ASB18: variants seen among roughly 807,000 people sequenced by gnomAD.
The protein encoded by ASB18 is ankyrin repeat and SOCS box containing 18.
In ASB18, 33 loss-of-function variants were observed where a neutral mutation model predicts 33.4. That is an observed-to-expected ratio of 0.99 (90% CI 0.75 to 1.32). ASB18 has a LOEUF of 1.32. Among genes scored for constraint, ASB18 ranks in the 40% most tolerant of loss-of-function variants. The pLI, the probability that ASB18 is intolerant of heterozygous loss-of-function variation, is 0.00. For synonymous variants in ASB18, 295 were observed against 307.6 expected, an observed-to-expected ratio of 0.96 and a Z score of 0.43; for missense variants, 694 against 655.5, an observed-to-expected ratio of 1.06 and a Z score of -0.64.
At chr2:236,254,836 T>C (rs1402462254) in intron 1 of ASB18, among the ~76,000 whole-genome samples, 1 of 152,016 alleles carries the variant, frequency 6.6e-6, no homozygotes, top group Non-Finnish European at 1.5e-5. Flanking sequence ...TCATTCCCAA[T>C]GAGGGTGGTG....
In ASB18 at chr2:236,211,666, A is replaced by T. The variant is rs1301385475; in HGVS notation, c.1101+2696T>A. ...GCTGGCTGCAGCGTCTGTTGCTTTG[A>T]TGTCGCACATGATTAGATGCCGTCC... On this transcript the variant is annotated intron_variant, in intron 4 of 5. Transcript: ENST00000409749. The surrounding 1 kb of genome is among the most constrained non-coding windows in gnomAD (Gnocchi z 5.0). 6.6e-6 allele frequency among the ~76,000 whole-genome samples: 1 copy of T among 152,160 alleles called. No homozygotes were observed. Among genetic ancestry groups the T allele is most frequent in the African/African-American group, 2.4e-5 (1 of 41,430 alleles).
At chr2:236,207,218 G>A (rs1026792463) in intron 4 of ASB18, among the ~76,000 whole-genome samples, 6 of 152,166 alleles carry the variant, frequency 3.9e-5, no homozygotes, top group African/African-American at 1.4e-4. Flanking sequence ...CGGGCCAATG[G>A]CCCAGCACGG....
rs1677582769 is a variant in ASB18, at chr2:236,251,831, A to G, written c.206-10429T>C. ...TTGCCTATTGTGAAAGATTTTTTAAAAGTCAAGTTTTTGAAGAGTTCAGTG... is the reference window on the plus strand; with the variant it reads ...TTGCCTATTGTGAAAGATTTTTTAAGAGTCAAGTTTTTGAAGAGTTCAGTG... On this transcript the variant is annotated intron_variant, in intron 1 of 5. Coordinates refer to ENST00000409749, the MANE Select transcript of ASB18 (RefSeq NM_212556.4). This position sits in a 1 kb window ranked among gnomAD's most constrained non-coding sequence, Gnocchi z 5.3. 6.6e-6 allele frequency among the ~76,000 whole-genome samples: 1 copy of G among 152,240 alleles called. No homozygotes were observed. The highest frequency in any genetic ancestry group is 1.5e-5 in the Non-Finnish European group (1 of 68,034).
rs1240445722 is a variant in ASB18 at position 236,237,343 on chromosome 2, CGGGGCCG to C, written c.596+339_596+345del. Among the ~76,000 whole-genome samples the C allele has an allele frequency of 1.8e-5, 1 of 54,730 alleles. No homozygotes were observed. The highest frequency in any genetic ancestry group is 2.4e-4 in the Admixed American group (1 of 4,150). 35.9% of individuals were successfully genotyped at this position (54,730 alleles called of 152,430 possible). ...AAGCGCTAATTAAACCCGCGGGGGC[CGGGGCCG>C]GGGCGCGGGGCGGGGGCCGGGGCCG... is the stretch of plus-strand genomic sequence containing the variant. On this transcript the variant is annotated intron_variant, in intron 3 of 5. Transcript: ENST00000409749. The surrounding 1 kb of genome is among the most constrained non-coding windows in gnomAD (Gnocchi z 6.2).
chr2:236,200,089 G>C lies in ASB18; in HGVS notation c.1102-3704C>G, dbSNP rs190244745. Among the ~76,000 whole-genome samples, 1,128 of 152,276 alleles carry C rather than the reference G, an allele frequency of 7.4e-3. 8 individuals are homozygous for C. The highest frequency in any genetic ancestry group is 0.014 in the South Asian group (69 of 4,814). The stretch of plus-strand genomic sequence containing the variant: ...AAGCCAGGCACGGTGGCTCACTCCT[G>C]TAATTCCAGCATTTTGGGAGGCCGA... On this transcript the variant is annotated intron_variant, in intron 4 of 5. Transcript: ENST00000409749. The surrounding 1 kb of genome is among the most constrained non-coding windows in gnomAD (Gnocchi z 4.2).
rs2060566607 is a variant in ASB18, at chr2:236,231,706, G to GA, written c.596+5982_596+5983insT. Among the ~76,000 whole-genome samples, 1 of 152,152 alleles carries GA rather than the reference G, an allele frequency of 6.6e-6. No individual in the cohort carries two copies. The highest frequency in any genetic ancestry group is 2.4e-5 in the African/African-American group (1 of 41,434). On this transcript the variant is annotated intron_variant, in intron 3 of 5. Transcript: ENST00000409749. The surrounding 1 kb of genome is among the most constrained non-coding windows in gnomAD (Gnocchi z 5.5). ...TCCAACCTTGGCCTCCCAAAGTGCT[G>GA]GGATTACTGGTGTGATCCACTGCAC...
Position 236,226,386 on chromosome 2 carries a change from A to G in ASB18, c.596+11303T>C, listed in dbSNP as rs2060537981. Among the ~76,000 whole-genome samples the G allele has an allele frequency of 6.6e-6, 1 of 152,184 alleles. No individual in the cohort carries two copies. The highest frequency in any genetic ancestry group is 2.4e-5 in the African/African-American group (1 of 41,438). ...AGTGTCAAATTAAACAGCCAAAGGGAAAGACTCCCATAGAGCGACACAGAG... is the reference window on the plus strand; with the variant it reads ...AGTGTCAAATTAAACAGCCAAAGGGGAAGACTCCCATAGAGCGACACAGAG... On this transcript the variant is annotated intron_variant, in intron 3 of 5. Transcript: ENST00000409749. The surrounding 1 kb of genome is among the most constrained non-coding windows in gnomAD (Gnocchi z 4.8).
At position 236,214,221 on chromosome 2, in the gene ASB18, G is replaced by T; in HGVS notation, c.1101+141C>A. 1 of 878,068 alleles carries T rather than the reference G, an allele frequency of 1.1e-6. No individual in the cohort carries two copies. The highest frequency in any genetic ancestry group is 1.7e-6 in the Non-Finnish European group (1 of 600,644). 54.4% of individuals were successfully genotyped at this position (878,068 alleles called of 1,614,324 possible). On this transcript the variant is annotated intron_variant, in intron 4 of 5. Coordinates refer to ENST00000409749, the MANE Select transcript of ASB18 (RefSeq NM_212556.4). This position sits in a 1 kb window ranked among gnomAD's most constrained non-coding sequence, Gnocchi z 6.5. ...GGCTCTCCCACCCCAGACCGGCAGA[G>T]CAGATTCTGCATTTTCACAAGTCCC...
Position 236,248,961 on chromosome 2 carries a change from C to T in ASB18, c.206-7559G>A, listed in dbSNP as rs557252041. 1.3e-5 allele frequency: 2 copies of T among 152,196 alleles called. No homozygotes were observed. The highest frequency in any genetic ancestry group is 1.5e-5 in the Non-Finnish European group (1 of 68,046). The allele number at this position is 152,196 out of a possible 1,614,324, so 9.4% of individuals were successfully genotyped here. On this transcript the variant is annotated intron_variant, in intron 1 of 5. Transcript: ENST00000409749. This position sits in a 1 kb window ranked among gnomAD's most constrained non-coding sequence, Gnocchi z 4.9. ...AAACAGCTATTCACTACTATGGGTT[C>T]CCCGTTTGGGGCACTAGAAGTTTCT...
At position 236,241,573 on chromosome 2, in the gene ASB18, A is replaced by G; in HGVS notation, c.206-171T>C. Reference sequence around the variant, plus strand: ...CTTCAGGAACGGGAAAGATGGTCTTATGGAGTGTGAGCTATTTCTATTGTC... The same window carrying G: ...CTTCAGGAACGGGAAAGATGGTCTTGTGGAGTGTGAGCTATTTCTATTGTC... On this transcript the variant is annotated intron_variant, in intron 1 of 5. Transcript: ENST00000409749. This position sits in a 1 kb window ranked among gnomAD's most constrained non-coding sequence, Gnocchi z 4.2. 1 of 763,448 alleles carries G rather than the reference A, an allele frequency of 1.3e-6. No individual in the cohort carries two copies. Among genetic ancestry groups the G allele is most frequent in the Non-Finnish European group, 2.3e-6 (1 of 443,784 alleles). The allele number at this position is 763,448 out of a possible 1,614,324, so 47.3% of individuals were successfully genotyped here. A position where few individuals can be genotyped will look rare whatever the true frequency, so the allele number is the denominator to read the frequency against.
chr2:236,258,221 C>T (rs2060701518), intron 1 of ASB18, among the ~76,000 whole-genome samples: 1 of 152,200 alleles, frequency 6.6e-6, no homozygotes, highest in African/African-American at 2.4e-5. Flanking sequence ...TCCACCACTC[C>T]TGGGAAGGCA....
At chr2:236,212,085 A>G (rs772270816) in intron 4 of ASB18, among the ~76,000 whole-genome samples, 6 of 152,186 alleles carry the variant, frequency 3.9e-5, no homozygotes, top group Non-Finnish European at 7.3e-5. Context: ...AGATTTCTCA[A>G]GAAAACTCCA....
In ASB18 at chr2:236,251,955, A is replaced by G. The variant is rs1212416734; in HGVS notation, c.206-10553T>C. 6.6e-6 allele frequency among the ~76,000 whole-genome samples: 1 copy of G among 152,152 alleles called. No individual in the cohort carries two copies. The highest frequency in any genetic ancestry group is 2.4e-5 in the African/African-American group (1 of 41,440). ...TACATGTACAGAGCATTTTTCAGGT[A>G]CAAGAAGCTTACAGAAATAAATAGT... On this transcript the variant is annotated intron_variant, in intron 1 of 5. Coordinates refer to ENST00000409749, the MANE Select transcript of ASB18 (RefSeq NM_212556.4). The surrounding 1 kb of genome is among the most constrained non-coding windows in gnomAD (Gnocchi z 5.3).
Position 236,251,798 on chromosome 2 carries a change from A to G in ASB18, c.206-10396T>C, listed in dbSNP as rs1022471971. 6.6e-6 allele frequency among the ~76,000 whole-genome samples: 1 copy of G among 152,236 alleles called. No individual in the cohort carries two copies. The highest frequency in any genetic ancestry group is 2.4e-5 in the African/African-American group (1 of 41,450). ...TAAAATACAAGTGAAAAATGACAAGAGATCTTTTTGCCTATTGTGAAAGAT... is the reference window on the plus strand; with the variant it reads ...TAAAATACAAGTGAAAAATGACAAGGGATCTTTTTGCCTATTGTGAAAGAT... On this transcript the variant is annotated intron_variant, in intron 1 of 5. Transcript: ENST00000409749. This position sits in a 1 kb window ranked among gnomAD's most constrained non-coding sequence, Gnocchi z 5.3.
Position 236,251,337 on chromosome 2 carries a change from C to A in ASB18, c.206-9935G>T, listed in dbSNP as rs751998544. ...AGACTCTGGGGACGTTGCTGGAAAG[C>A]GTATCATTGAAGCTCTCCCTGATAA... On this transcript the variant is annotated intron_variant, in intron 1 of 5. Transcript: ENST00000409749. This position sits in a 1 kb window ranked among gnomAD's most constrained non-coding sequence, Gnocchi z 5.3. 2.0e-5 allele frequency among the ~76,000 whole-genome samples: 3 copies of A among 152,140 alleles called. No individual in the cohort carries two copies. The highest frequency in any genetic ancestry group is 4.4e-5 in the Non-Finnish European group (3 of 68,026).
chr2:236,245,926 A>T lies in ASB18; in HGVS notation c.206-4524T>A, dbSNP rs999592225. Among the ~76,000 whole-genome samples, 5 of 152,174 alleles carry T rather than the reference A, an allele frequency of 3.3e-5. No individual in the cohort carries two copies. The highest frequency in any genetic ancestry group is 1.2e-4 in the African/African-American group (5 of 41,448). On this transcript the variant is annotated intron_variant, in intron 1 of 5. Coordinates refer to ENST00000409749, the MANE Select transcript of ASB18 (RefSeq NM_212556.4). This position sits in a 1 kb window ranked among gnomAD's most constrained non-coding sequence, Gnocchi z 4.7. ...ATCTGTTGCCTTTCACCCTTAGGGAAGAACACCATAACGTGGACGCTCGGC... is the reference window on the plus strand; with the variant it reads ...ATCTGTTGCCTTTCACCCTTAGGGATGAACACCATAACGTGGACGCTCGGC...
chr2:236,231,385 T>C lies in ASB18; in HGVS notation c.596+6304A>G, dbSNP rs1353888791. Reference sequence around the variant, plus strand: ...TCATTAGGAAGTGATTAGGCCCTCATAGATGGGATTAGTGCCCTTATAAAA... The same window carrying C: ...TCATTAGGAAGTGATTAGGCCCTCACAGATGGGATTAGTGCCCTTATAAAA... On this transcript the variant is annotated intron_variant, in intron 3 of 5. Transcript: ENST00000409749. This position sits in a 1 kb window ranked among gnomAD's most constrained non-coding sequence, Gnocchi z 5.5. Among the ~76,000 whole-genome samples, 1 of 152,178 alleles carries C rather than the reference T, an allele frequency of 6.6e-6. No individual in the cohort carries two copies. Among genetic ancestry groups the C allele is most frequent in the Non-Finnish European group, 1.5e-5 (1 of 68,028 alleles).
In ASB18 at chr2:236,224,347, C is replaced by T. The variant is rs192996176; in HGVS notation, c.597-9481G>A. Among the ~76,000 whole-genome samples the T allele has an allele frequency of 5.0e-3, 760 of 152,046 alleles. 6 individuals are homozygous for T. Among genetic ancestry groups the T allele is most frequent in the Non-Finnish European group, 7.7e-3 (526 of 67,992 alleles). The stretch of plus-strand genomic sequence containing the variant: ...GTATGTTGTTCATAAAGTGTCTGAT[C>T]GAGGCTTTTGCCCTGAGTGTAAAGT... On this transcript the variant is annotated intron_variant, in intron 3 of 5. Transcript: ENST00000409749.
Position 236,228,677 on chromosome 2 carries a change from T to G in ASB18, c.596+9012A>C, listed in dbSNP as rs1026850606. On this transcript the variant is annotated intron_variant, in intron 3 of 5. Transcript: ENST00000409749. The surrounding 1 kb of genome is among the most constrained non-coding windows in gnomAD (Gnocchi z 5.1). Reference sequence around the variant, plus strand: ...CTCATCACATGCACAGGTTCAGGAATAGTGGCTGGTTTCAGCAACCAAAGT... The same window carrying G: ...CTCATCACATGCACAGGTTCAGGAAGAGTGGCTGGTTTCAGCAACCAAAGT... 6.6e-6 allele frequency among the ~76,000 whole-genome samples: 1 copy of G among 152,166 alleles called. No homozygotes were observed. The highest frequency in any genetic ancestry group is 2.1e-4 in the South Asian group (1 of 4,828).
Sources: gnomAD v4.1 joint callset for allele counts (sites outside exome capture counted in the v4.1 genomes callset) on GRCh38, gnomAD v4.1.1 for gene constraint, Gnocchi (gnomAD v3.1) non-coding constraint, MANE v1.5 for transcripts, NCBI Gene and HGNC (gene_info 2026-07-23, HGNC 2026-07-21) for gene names.